Variants in RAB38 observed in about 807,000 individuals in gnomAD.
The protein encoded by RAB38 is ras-related protein Rab-38.
In RAB38, 15 loss-of-function variants were observed where a neutral mutation model predicts 18.4. That is an observed-to-expected ratio of 0.82 (90% confidence interval 0.55 to 1.26). The LOEUF is 1.26. Among genes scored for constraint, RAB38 ranks in the 50% most tolerant of loss-of-function variants. The pLI is 0.00. For synonymous variants in RAB38, 101 were observed against 104.4 expected (o/e 0.97, Z 0.20); for missense variants, 294 against 267.4 (o/e 1.10, Z -0.69).
intron 1 of RAB38, chr11:88,167,656 G>T (rs1482569573): frequency 6.6e-6 from 1 of 152,042 alleles, no homozygotes; most frequent in Middle Eastern, 3.4e-3. Context: ...AGGAAGGAGA[G>T]AACAGTAGAA....
the RAB38 span, among the ~76,000 whole-genome samples, chr11:87,889,114 C>T: frequency 6.6e-6 from 1 of 151,766 alleles, no homozygotes; most frequent in African/African-American, 2.4e-5. Flanking sequence ...AAAAGTATGA[C>T]CTTATGTTTT....
At chr11:87,956,090 T>G in the RAB38 span, among the ~76,000 whole-genome samples, 1 of 135,508 alleles carries the variant, frequency 7.4e-6, no homozygotes. Flanking sequence ...AATAAAATAA[T>G]TTTTAAAAAC....
At chr11:88,038,026 T>C in the RAB38 span, among the ~76,000 whole-genome samples, 5,839 of 152,272 alleles carry the variant, frequency 0.038, 141 homozygotes, top group Middle Eastern at 0.068. Context: ...TCTATGTATA[T>C]AGAGAAAATA....
chr11:87,910,704 T>C, the RAB38 span, among the ~76,000 whole-genome samples: 2 of 144,178 alleles, frequency 1.4e-5, no homozygotes, highest in Non-Finnish European at 3.0e-5. Context: ...GCAGTGGCAC[T>C]ATCTCGGCTT....
At chr11:87,886,855 C>T in the RAB38 span, among the ~76,000 whole-genome samples, 1 of 145,980 alleles carries the variant, frequency 6.9e-6, no homozygotes, top group African/African-American at 2.5e-5. Context: ...TACACTGATG[C>T]CAGCCCATCT....
chr11:88,022,863 G>C, the RAB38 span, among the ~76,000 whole-genome samples: 1 of 152,088 alleles, frequency 6.6e-6, no homozygotes, highest in Non-Finnish European at 1.5e-5. Flanking sequence ...ATGCATGCAT[G>C]TGTCTTTATA....
chr11:87,977,747 TAATA>T, the RAB38 span, among the ~76,000 whole-genome samples: 9,312 of 61,944 alleles, frequency 0.15, 559 homozygotes, highest in Middle Eastern at 0.29. Context: ...ATATATTCTA[TAATA>T]TATATATATT....
chr11:87,813,503 A>T, the RAB38 span, among the ~76,000 whole-genome samples: 44 of 109,224 alleles, frequency 4.0e-4, no homozygotes, highest in South Asian at 1.2e-3. Context: ...TACACATCAC[A>T]CACACACACA....
intron 1 of RAB38, among the ~76,000 whole-genome samples, chr11:88,170,675 G>T (rs191857937): frequency 2.0e-5 from 3 of 152,278 alleles, no homozygotes; most frequent in East Asian, 1.9e-4. Context: ...TGGCTTAGGT[G>T]GGGGAAGCTG....
chr11:88,124,095 A>T (rs1221512402), intron 2 of RAB38, among the ~76,000 whole-genome samples: 1 of 152,150 alleles, frequency 6.6e-6, no homozygotes, highest in East Asian at 1.9e-4. Context: ...ACAAATAGGA[A>T]GAAGAACCAT....
the RAB38 span, among the ~76,000 whole-genome samples, chr11:88,017,786 C>A: frequency 6.7e-6 from 1 of 150,112 alleles, no homozygotes; most frequent in Non-Finnish European, 1.5e-5. Context: ...CTGTGATTTC[C>A]TCTTTTTCAG....
the RAB38 span, among the ~76,000 whole-genome samples, chr11:88,044,629 C>T: frequency 6.6e-6 from 1 of 152,130 alleles, no homozygotes; most frequent in Admixed American, 6.5e-5. Flanking sequence ...GTAAAATGGG[C>T]AAACGGTCTG....
At chr11:88,058,726 T>G in the RAB38 span, among the ~76,000 whole-genome samples, 1 of 152,208 alleles carries the variant, frequency 6.6e-6, no homozygotes, top group Non-Finnish European at 1.5e-5. Flanking sequence ...CATTGTTAAT[T>G]ATATTAAACC....
the RAB38 span, among the ~76,000 whole-genome samples, chr11:87,889,545 T>G: frequency 6.6e-6 from 1 of 151,966 alleles, no homozygotes; most frequent in East Asian, 2.0e-4. Flanking sequence ...TTATAATTTT[T>G]GAGTAGCTAC....
the RAB38 span, among the ~76,000 whole-genome samples, chr11:87,971,874 G>A: frequency 6.6e-6 from 1 of 151,170 alleles, no homozygotes; most frequent in Non-Finnish European, 1.5e-5. Context: ...GAATGCACAT[G>A]TTCATTGCTA....
At chr11:88,068,160 T>A in the RAB38 span, among the ~76,000 whole-genome samples, 1 of 151,950 alleles carries the variant, frequency 6.6e-6, no homozygotes, top group Non-Finnish European at 1.5e-5. Context: ...GGACTAAAGT[T>A]GAAAAACATG....
the RAB38 span, among the ~76,000 whole-genome samples, chr11:87,841,901 T>A: frequency 1.3e-5 from 2 of 152,188 alleles, no homozygotes; most frequent in Non-Finnish European, 1.5e-5. Flanking sequence ...AATATGAACA[T>A]TTTGGAGTAG....
chr11:88,140,062 T>C (rs1942887704), intron 2 of RAB38, among the ~76,000 whole-genome samples: 1 of 152,188 alleles, frequency 6.6e-6, no homozygotes, highest in Non-Finnish European at 1.5e-5. Flanking sequence ...ACTTGCATAA[T>C]TCGGTGCACA....
the RAB38 span, among the ~76,000 whole-genome samples, chr11:88,003,858 A>AG: frequency 6.1e-4 from 2 of 3,280 alleles, no homozygotes; most frequent in Non-Finnish European, 1.5e-3. Flanking sequence ...ATATAATTAT[A>AG]TAAATATAAT....
Sources: gnomAD v4.1 joint callset for allele counts (sites outside exome capture counted in the v4.1 genomes callset) on GRCh38, gnomAD v4.1.1 for gene constraint, MANE v1.5 for transcripts, NCBI Gene and HGNC (gene_info 2026-07-23, HGNC 2026-07-21) for gene names.